Variants in TMEFF1 observed in about 807,000 individuals in gnomAD.
TMEFF1 encodes transmembrane protein with EGF like and two follistatin like domains 1.
Under a neutral mutation model 47.5 loss-of-function variants are expected in TMEFF1, and 20 were observed. The observed-to-expected ratio is 0.42, with a 90% CI of 0.30 to 0.61. The LOEUF is 0.61. Ranked by LOEUF, TMEFF1 falls within the 20% of genes least tolerant of loss-of-function variation. The probability of loss-of-function intolerance (pLI) is 0.19; values close to 1 mark genes in which losing one functional copy is unlikely to be tolerated. For synonymous variants in TMEFF1, 162 were observed against 166.3 expected (o/e 0.97, Z 0.20); for missense variants, 411 against 471.1 (o/e 0.87, Z 1.18).
At chr9:100,513,721 C>G (rs1281974565) in intron 4 of TMEFF1, among the ~76,000 whole-genome samples, 1 of 152,050 alleles carries the variant, frequency 6.6e-6, no homozygotes, top group Non-Finnish European at 1.5e-5. Context: ...TGCATCATCC[C>G]CACAAGTGAT....
chr9:100,560,595 T>C (rs1330682154), intron 7 of TMEFF1, among the ~76,000 whole-genome samples: 1 of 152,206 alleles, frequency 6.6e-6, no homozygotes, highest in Non-Finnish European at 1.5e-5. Context: ...TGAATGAATC[T>C]GATTTTGAAG....
intron 5 of TMEFF1, among the ~76,000 whole-genome samples, chr9:100,529,180 C>G (rs1330899664): frequency 1.3e-5 from 2 of 149,794 alleles, no homozygotes; most frequent in African/African-American, 4.9e-5. Context: ...GAAACTGCAT[C>G]AACTAACGAG....
At chr9:100,477,489 C>G (rs142150178) in intron 1 of TMEFF1, among the ~76,000 whole-genome samples, 2 of 152,250 alleles carry the variant, frequency 1.3e-5, no homozygotes, top group East Asian at 3.9e-4. Flanking sequence ...GTTGTATAGC[C>G]TGCCTTAATA....
intron 2 of TMEFF1, among the ~76,000 whole-genome samples, chr9:100,499,509 T>C (rs1159428191): frequency 6.6e-6 from 1 of 152,228 alleles, no homozygotes; most frequent in Non-Finnish European, 1.5e-5. Context: ...TGGTCTCTGA[T>C]GGTTGATTTG....
intron 1 of TMEFF1, among the ~76,000 whole-genome samples, chr9:100,475,781 A>G (rs916812994): frequency 6.8e-6 from 1 of 146,500 alleles, no homozygotes. Context: ...GATGGAATGT[A>G]GGGGCTTGGA....
At chr9:100,498,283 T>C (rs1160111889) in intron 1 of TMEFF1, among the ~76,000 whole-genome samples, 1 of 152,152 alleles carries the variant, frequency 6.6e-6, no homozygotes, top group African/African-American at 2.4e-5. Flanking sequence ...GTAGTTAAAA[T>C]AGTTTGCCTA....
chr9:100,564,866 T>C (rs1038643101), intron 8 of TMEFF1, among the ~76,000 whole-genome samples: 5 of 152,104 alleles, frequency 3.3e-5, no homozygotes, highest in Non-Finnish European at 7.3e-5. Context: ...TGCAGAGAGA[T>C]CATTAGGTGG....
chr9:100,483,935 T>C (rs545058199), intron 1 of TMEFF1, among the ~76,000 whole-genome samples: 83 of 152,300 alleles, frequency 5.4e-4, no homozygotes, highest in African/African-American at 1.9e-3. Flanking sequence ...TAATGATAGG[T>C]TTATTTTTCA....
In TMEFF1 at chr9:100,481,752, TTTTG is replaced by T. The variant is rs571295980; in HGVS notation, c.196+8016_196+8019del. 2.9e-3 allele frequency among the ~76,000 whole-genome samples: 440 copies of T among 152,176 alleles called. 5 individuals are homozygous for T. Among genetic ancestry groups the T allele is most frequent in the African/African-American group, 9.9e-3 (411 of 41,528 alleles). On this transcript the variant is annotated intron_variant, in intron 1 of 9. Transcript: ENST00000374879. The stretch of plus-strand genomic sequence containing the variant: ...AGGACTTGTTTAGCCTGCACAGGTT[TTTTG>T]TTTATTTATTTATTTATTTTTATTT...
At chr9:100,517,268 G>C (rs773199995) in intron 5 of TMEFF1, among the ~76,000 whole-genome samples, 3 of 152,028 alleles carry the variant, frequency 2.0e-5, no homozygotes, top group Non-Finnish European at 4.4e-5. Flanking sequence ...TTCCTGTGGT[G>C]CTGGCTTTTT....
chr9:100,485,745 T>C (rs1172496013), intron 1 of TMEFF1, among the ~76,000 whole-genome samples: 1 of 152,236 alleles, frequency 6.6e-6, no homozygotes, highest in Non-Finnish European at 1.5e-5. Flanking sequence ...TATTAGCTTC[T>C]TGAGCATTTA....
chr9:100,475,124 G>C (rs1006505053), intron 1 of TMEFF1, among the ~76,000 whole-genome samples: 1 of 152,104 alleles, frequency 6.6e-6, no homozygotes, highest in Non-Finnish European at 1.5e-5. Context: ...GGAATCTGCC[G>C]GACAACCTTT....
At chr9:100,490,447 G>A (rs1031979908) in intron 1 of TMEFF1, among the ~76,000 whole-genome samples, 1 of 152,134 alleles carries the variant, frequency 6.6e-6, no homozygotes, top group Admixed American at 6.5e-5. Flanking sequence ...TGTGTCATTA[G>A]AGGTGCCCCT....
chr9:100,561,496 A>G lies in TMEFF1; in HGVS notation c.875A>G (p.Tyr292Cys), dbSNP rs552680329. 10 of 1,613,594 alleles carry G rather than the reference A, an allele frequency of 6.2e-6. No homozygotes were observed. The highest frequency in any genetic ancestry group is 1.3e-5 in the African/African-American group (1 of 74,904). The change falls in exon 8 of 10, where the codon TAT becomes TGT. Residue 292 changes from tyrosine (Y) to cysteine (C), a missense_variant. By Grantham distance (194) the Tyr-to-Cys change is radical. Coordinates refer to ENST00000374879, the MANE Select transcript of TMEFF1 (RefSeq NM_003692.5). ...YCIHGKCEFI[Y>C]STQKASCRCE... ...ATCCATGGAAAATGTGAATTCATCT[A>G]TTCTACTCAGAAGGCTTCTTGTAGG... is the stretch of plus-strand genomic sequence containing the variant.
intron 4 of TMEFF1, 47 bp from the exon 5 acceptor site, chr9:100,516,628 A>G: frequency 6.3e-7 from 1 of 1,598,132 alleles, no homozygotes; most frequent in Non-Finnish European, 8.5e-7. Flanking sequence ...CATATCTGGA[A>G]AGGATCCCAA....
intron 2 of TMEFF1, among the ~76,000 whole-genome samples, chr9:100,502,863 G>A (rs563946307): frequency 6.6e-6 from 1 of 152,292 alleles, no homozygotes; most frequent in East Asian, 1.9e-4. Context: ...CATTTATCCA[G>A]TGCTTACTTG....
intron 7 of TMEFF1, among the ~76,000 whole-genome samples, chr9:100,561,045 ATCTG>A (rs1465999388): frequency 2.0e-5 from 3 of 152,216 alleles, no homozygotes; most frequent in South Asian, 4.1e-4. Context: ...TATGTACACC[ATCTG>A]TCTGTCACAG....
At chr9:100,488,412 T>C (rs1270158063) in intron 1 of TMEFF1, among the ~76,000 whole-genome samples, 2 of 152,316 alleles carry the variant, frequency 1.3e-5, no homozygotes, top group Non-Finnish European at 2.9e-5. Context: ...TATGTTTTTC[T>C]TTTATATCTG....
chr9:100,572,466 G>A, intron 8 of TMEFF1, 52 bp from the exon 9 acceptor site: 9 of 1,468,518 alleles, frequency 6.1e-6, no homozygotes, highest in Non-Finnish European at 7.2e-6. Context: ...AAAAGCTTGG[G>A]AGTATCAAAA....
Sources: allele counts gnomAD v4.1 joint callset (sites outside exome capture counted in the v4.1 genomes callset), GRCh38; gene constraint gnomAD v4.1.1; transcripts MANE v1.5; gene names NCBI Gene and HGNC (gene_info 2026-07-23, HGNC 2026-07-21).